Variants in ROR1 observed in about 807,000 individuals in gnomAD.
The protein encoded by ROR1 is inactive tyrosine-protein kinase transmembrane receptor ROR1.
In ROR1, 19 loss-of-function variants were observed where a neutral mutation model predicts 78.8. The ratio of observed to expected loss-of-function variants is 0.24; its 90% CI spans 0.17 to 0.35. The LOEUF (loss-of-function observed/expected upper bound fraction) is 0.35, where lower values mean the gene tolerates loss of function less well. Ranked by LOEUF, ROR1 falls within the 10% of genes least tolerant of loss-of-function variation. The pLI, the probability that ROR1 is intolerant of heterozygous loss-of-function variation, is 1.00. For missense variants in ROR1, 917 were observed against 1,177.8 expected (o/e 0.78, Z 3.24); for synonymous variants, 386 against 433.6 (o/e 0.89, Z 1.36).
At chr1:64,121,083 TTTTTTTTTTTTTTTTG>T (rs1267514787) in intron 4 of ROR1, among the ~76,000 whole-genome samples, 1 of 54,882 alleles carries the variant, frequency 1.8e-5, no homozygotes, top group African/African-American at 4.3e-5. Flanking sequence ...TTTTTTTTTT[TTTTTTTTTTTTTTTTG>T]CTCAGCCCTA....
chr1:64,140,899 A>G (rs922078230), intron 6 of ROR1, among the ~76,000 whole-genome samples: 2 of 152,212 alleles, frequency 1.3e-5, no homozygotes, highest in Non-Finnish European at 2.9e-5. Context: ...CGTGCTACAA[A>G]CCTGGATGAA....
At chr1:63,965,940 G>A (rs61765148) in intron 1 of ROR1, among the ~76,000 whole-genome samples, 38,632 of 152,064 alleles carry the variant, frequency 0.25, 6,065 homozygotes, top group African/African-American at 0.44. Flanking sequence ...TCTTATACAA[G>A]TCACTAAACC....
chr1:63,794,447 A>C (rs1315758472), intron 1 of ROR1, among the ~76,000 whole-genome samples: 1 of 152,196 alleles, frequency 6.6e-6, no homozygotes, highest in African/African-American at 2.4e-5. Flanking sequence ...TCTGGCATCG[A>C]AACTGGCTTC....
chr1:64,065,040 C>A (rs1359482070), intron 4 of ROR1, among the ~76,000 whole-genome samples: 1 of 152,086 alleles, frequency 6.6e-6, no homozygotes, highest in Non-Finnish European at 1.5e-5. Context: ...GTGCTCTGAT[C>A]TAGACCTCAA....
Position 64,140,219 on chromosome 1 carries a change from G to T in ROR1, c.721G>T (p.Val241Phe). ...CCCGTACTGCGATGAAACTTCATCC[G>T]TCCCAAAGCCCCGTGACTTGTGTCG... ...AFPYCDETSS[V>F]PKPRDLCRDE... The change falls in exon 6 of 9, where the codon GTC (valine) becomes TTC (phenylalanine). Residue 241 changes from valine to phenylalanine, a missense_variant. Around this residue, in one of 3 missense-constraint regions of ROR1, gnomAD observed 835 missense variants for 1,069.8 expected, o/e 0.78. Transcript: ENST00000371079. 1 of 1,614,020 alleles carries T rather than the reference G, an allele frequency of 6.2e-7. No homozygotes were observed. The highest frequency in any genetic ancestry group is 8.5e-7 in the Non-Finnish European group (1 of 1,179,992).
At chr1:63,853,525 C>T (rs1305662203) in intron 1 of ROR1, among the ~76,000 whole-genome samples, 1 of 152,130 alleles carries the variant, frequency 6.6e-6, no homozygotes, top group Non-Finnish European at 1.5e-5. Context: ...CGCATATATT[C>T]CAGAATCTTG....
chr1:64,067,516 C>T (rs1457786895), intron 4 of ROR1, among the ~76,000 whole-genome samples: 1 of 117,796 alleles, frequency 8.5e-6, no homozygotes, highest in Non-Finnish European at 1.7e-5. Flanking sequence ...TAATTAAAAA[C>T]ATAGGTTCAC....
chr1:63,962,625 G>T (rs1394550242), intron 1 of ROR1, among the ~76,000 whole-genome samples: 1 of 152,344 alleles, frequency 6.6e-6, no homozygotes, highest in East Asian at 1.9e-4. Context: ...TCCATCAGAT[G>T]AGGGAGCGGG....
chr1:63,924,909 G>A (rs904600498), intron 1 of ROR1, among the ~76,000 whole-genome samples: 33 of 147,874 alleles, frequency 2.2e-4, no homozygotes, highest in African/African-American at 7.8e-4. Flanking sequence ...AAGGTTTTGC[G>A]GATTGGACCA....
At chr1:64,152,307 TCTC>T (rs1490713332) in intron 7 of ROR1, among the ~76,000 whole-genome samples, 1 of 152,228 alleles carries the variant, frequency 6.6e-6, no homozygotes, top group Non-Finnish European at 1.5e-5. Flanking sequence ...TCCCCATTCT[TCTC>T]CTCTAGGTGT....
intron 4 of ROR1, among the ~76,000 whole-genome samples, chr1:64,108,106 C>T (rs1647907326): frequency 6.7e-6 from 1 of 148,228 alleles, no homozygotes; most frequent in Non-Finnish European, 1.5e-5. Flanking sequence ...GTGTTTAAAT[C>T]ACTGTTTAGG....
chr1:63,838,425 T>A (rs2100309494), intron 1 of ROR1, among the ~76,000 whole-genome samples: 1 of 152,140 alleles, frequency 6.6e-6, no homozygotes, highest in African/African-American at 2.4e-5. Flanking sequence ...GACAGTGATA[T>A]TGATGATCCT....
At chr1:63,842,434 T>C (rs1450415492) in intron 1 of ROR1, among the ~76,000 whole-genome samples, 1 of 152,192 alleles carries the variant, frequency 6.6e-6, no homozygotes, top group Non-Finnish European at 1.5e-5. Flanking sequence ...TGAAGTGCAT[T>C]GCGTTACAGG....
chr1:64,010,043 C>T (rs79364572), intron 2 of ROR1, among the ~76,000 whole-genome samples: 1,996 of 152,208 alleles, frequency 0.013, 42 homozygotes, highest in African/African-American at 0.046. Flanking sequence ...AGCCAAATTT[C>T]GATTTCTTCT....
chr1:63,804,514 C>T (rs1336509283), intron 1 of ROR1, among the ~76,000 whole-genome samples: 2 of 152,124 alleles, frequency 1.3e-5, no homozygotes, highest in Non-Finnish European at 1.5e-5. Context: ...ATTTGTAAAG[C>T]CTCCTTCCTA....
At chr1:64,000,437 A>G (rs1443747777) in intron 1 of ROR1, among the ~76,000 whole-genome samples, 2 of 152,182 alleles carry the variant, frequency 1.3e-5, no homozygotes. Flanking sequence ...CAGTGGCACC[A>G]TGGATGAATG....
At chr1:64,112,530 T>C (rs1450585010) in intron 4 of ROR1, among the ~76,000 whole-genome samples, 1 of 152,134 alleles carries the variant, frequency 6.6e-6, no homozygotes, top group Non-Finnish European at 1.5e-5. Context: ...GCCCTAACAG[T>C]GTCTTAATTG....
chr1:64,032,184 T>TA (rs1417331012), intron 2 of ROR1, among the ~76,000 whole-genome samples: 2 of 151,082 alleles, frequency 1.3e-5, no homozygotes, highest in African/African-American at 4.9e-5. Flanking sequence ...CTACTAAACA[T>TA]AAAAAAATTA....
chr1:63,786,235 C>A (rs1391173112), intron 1 of ROR1, among the ~76,000 whole-genome samples: 2 of 149,224 alleles, frequency 1.3e-5, no homozygotes, highest in South Asian at 4.3e-4. Context: ...GCATTTCCCC[C>A]CTTACGCTGG....
Sources: gnomAD v4.1 joint callset for allele counts (sites outside exome capture counted in the v4.1 genomes callset) on GRCh38, gnomAD v4.1.1 for gene constraint, gnomAD v4.1.1 regional missense constraint, MANE v1.5 for transcripts, NCBI Gene and HGNC (gene_info 2026-07-23, HGNC 2026-07-21) for gene names.